Variants in PPP3CA observed in about 807,000 individuals in gnomAD.
PPP3CA encodes CAM-PRP catalytic subunit.
Under a neutral mutation model 66.5 loss-of-function variants are expected in PPP3CA, and 14 were observed. The ratio of observed to expected loss-of-function variants is 0.21; its 90% CI spans 0.14 to 0.33. The LOEUF (loss-of-function observed/expected upper bound fraction) is 0.33. Among genes scored for constraint, PPP3CA ranks in the 10% least tolerant of loss-of-function variants. PPP3CA has a pLI of 1.00. For synonymous variants in PPP3CA, 232 were observed against 226.2 expected, an observed-to-expected ratio of 1.03 and a Z score of -0.23; for missense variants, 317 against 639.5, an observed-to-expected ratio of 0.50 and a Z score of 5.44.
chr4:101,056,297 T>G (rs1303085943), intron 10 of PPP3CA, among the ~76,000 whole-genome samples: 1 of 152,160 alleles, frequency 6.6e-6, no homozygotes, highest in East Asian at 1.9e-4. Context: ...TAATAACAAA[T>G]CTTTTGTTGG....
chr4:101,039,000 G>GAATAACATAGATTCACATGA (rs1186969430), intron 11 of PPP3CA, among the ~76,000 whole-genome samples: 1 of 105,970 alleles, frequency 9.4e-6, no homozygotes, highest in Non-Finnish European at 2.3e-5. Flanking sequence ...AGAGACTTCA[G>GAATAACATAGATTCACATGA]ACAGAATAAG....
intron 2 of PPP3CA, among the ~76,000 whole-genome samples, chr4:101,188,439 A>G (rs933720520): frequency 1.3e-5 from 2 of 152,180 alleles, no homozygotes; most frequent in South Asian, 4.1e-4. Context: ...ACACTTGATT[A>G]TCTCATGGAT....
intron 1 of PPP3CA, among the ~76,000 whole-genome samples, chr4:101,225,316 G>T (rs1472826): frequency 0.83 from 126,586 of 151,672 alleles, 53,303 homozygotes; most frequent in African/African-American, 0.91. Flanking sequence ...GAAAAATGAC[G>T]GACACTTTAA....
At chr4:101,083,402 CT>C (rs1437164194) in intron 6 of PPP3CA, 139 bp from the exon 7 acceptor site, 1 of 741,000 alleles carries the variant, frequency 1.3e-6, no homozygotes, top group Non-Finnish European at 2.2e-6. Context: ...CCTCTTGACT[CT>C]AAGGCCAAGT....
At chr4:101,077,824 GT>G (rs74428810) in intron 8 of PPP3CA, among the ~76,000 whole-genome samples, 9,240 of 133,486 alleles carry the variant, frequency 0.069, 827 homozygotes, top group African/African-American at 0.22. Context: ...ACTGGTATCT[GT>G]TTTTTTTTTT....
At chr4:101,214,831 T>C (rs1005859983) in intron 1 of PPP3CA, among the ~76,000 whole-genome samples, 6 of 152,122 alleles carry the variant, frequency 3.9e-5, no homozygotes, top group Non-Finnish European at 8.8e-5. Flanking sequence ...TCTGACTACA[T>C]AGAAATCCAC....
chr4:101,180,384 C>G (rs913456676), intron 2 of PPP3CA, among the ~76,000 whole-genome samples: 1 of 152,028 alleles, frequency 6.6e-6, no homozygotes, highest in African/African-American at 2.4e-5. Context: ...TAGCAAAAAT[C>G]ATAACTGAGA....
chr4:101,234,261 TAATAG>T (rs1241271046), intron 1 of PPP3CA, among the ~76,000 whole-genome samples: 1 of 151,846 alleles, frequency 6.6e-6, no homozygotes, highest in African/African-American at 2.4e-5. Flanking sequence ...GTATATACAG[TAATAG>T]GATTGCTGGG....
intron 12 of PPP3CA, among the ~76,000 whole-genome samples, chr4:101,031,998 T>A (rs916333295): frequency 7.2e-5 from 11 of 152,202 alleles, no homozygotes; most frequent in Admixed American, 7.2e-4. Flanking sequence ...GCAACCTAAA[T>A]GAGTTGTCCT....
chr4:101,204,139 G>A (rs1480945569), intron 1 of PPP3CA, among the ~76,000 whole-genome samples: 3 of 151,810 alleles, frequency 2.0e-5, no homozygotes, highest in African/African-American at 7.3e-5. Context: ...CTGAGTAGCT[G>A]GGACCACAGG....
chr4:101,255,696 TAAAAAA>T (rs1726819127), intron 1 of PPP3CA, among the ~76,000 whole-genome samples: 2 of 151,960 alleles, frequency 1.3e-5, no homozygotes, highest in Non-Finnish European at 2.9e-5. Flanking sequence ...AGTGAAATTT[TAAAAAA>T]TTAAGTAATT....
At chr4:101,291,642 T>G (rs1353567336) in intron 1 of PPP3CA, among the ~76,000 whole-genome samples, 5 of 152,206 alleles carry the variant, frequency 3.3e-5, no homozygotes, top group Non-Finnish European at 5.9e-5. Flanking sequence ...ACATCCTTGT[T>G]CTCCAGGACA....
chr4:101,132,736 C>T (rs1722487935), intron 2 of PPP3CA, among the ~76,000 whole-genome samples: 1 of 152,200 alleles, frequency 6.6e-6, no homozygotes, highest in Admixed American at 6.5e-5. Flanking sequence ...GGACTCCTCC[C>T]TATCTCATCT....
chr4:101,066,179 A>G (rs896724194), intron 8 of PPP3CA, among the ~76,000 whole-genome samples: 1 of 152,132 alleles, frequency 6.6e-6, no homozygotes, highest in Admixed American at 6.6e-5. Context: ...ACATCATAAT[A>G]CACTCATCCT....
intron 2 of PPP3CA, among the ~76,000 whole-genome samples, chr4:101,148,956 A>C (rs933079458): frequency 1.3e-5 from 2 of 152,150 alleles, no homozygotes. Flanking sequence ...AATTGTTCTT[A>C]CATTCTTTAC....
intron 10 of PPP3CA, among the ~76,000 whole-genome samples, chr4:101,047,819 G>A (rs892302041): frequency 2.6e-5 from 4 of 151,826 alleles, no homozygotes; most frequent in Non-Finnish European, 4.4e-5. Context: ...GAGGTGATGG[G>A]TCCTAAGTGT....
chr4:101,229,236 T>TACACACAC (rs10654762), intron 1 of PPP3CA, among the ~76,000 whole-genome samples: 32 of 150,318 alleles, frequency 2.1e-4, no homozygotes, highest in South Asian at 8.3e-4. Flanking sequence ...TTCATTATTT[T>TACACACAC]ACACTCACAC....
chr4:101,343,719 C>G (rs1311434107), intron 1 of PPP3CA, among the ~76,000 whole-genome samples: 1 of 152,130 alleles, frequency 6.6e-6, no homozygotes, highest in Non-Finnish European at 1.5e-5. Context: ...CATTCTCTTT[C>G]ATTTTTAAGG....
chr4:101,147,137 C>A (rs140558532), intron 2 of PPP3CA, among the ~76,000 whole-genome samples: 11 of 152,144 alleles, frequency 7.2e-5, no homozygotes, highest in Non-Finnish European at 1.2e-4. Context: ...CAGATTTGTC[C>A]CGAAGTCTAG....
Sources: gnomAD v4.1 joint callset for allele counts (sites outside exome capture counted in the v4.1 genomes callset) on GRCh38, gnomAD v4.1.1 for gene constraint, MANE v1.5 for transcripts, NCBI Gene and HGNC (gene_info 2026-07-23, HGNC 2026-07-21) for gene names.